PBRM1: variants seen among roughly 807,000 people sequenced by gnomAD.
The protein encoded by PBRM1 is protein polybromo-1.
In PBRM1, 27 loss-of-function variants were observed where a neutral mutation model predicts 194.5. That is an observed-to-expected ratio of 0.14 (90% confidence interval 0.10 to 0.19). PBRM1 has a LOEUF of 0.19. PBRM1 is among the 10% of genes least tolerant of loss of function. PBRM1 has a pLI of 1.00. For synonymous variants in PBRM1, 655 were observed against 693.2 expected (o/e 0.94, Z 0.87); for missense variants, 1,466 against 2,077.2 (o/e 0.71, Z 5.72).
chr3:52,550,461 C>A (rs369794948), exon 29 of PBRM1: 1 of 1,548,130 alleles, frequency 6.5e-7, no homozygotes, highest in Non-Finnish European at 8.7e-7. Context: ...TGTTGGACTC[C>A]GCACTGAGTC....
Position 52,648,472 on chromosome 3 carries a change from C to T in PBRM1, c.715-30G>A, listed in dbSNP as rs750620728. On this transcript the variant is annotated intron_variant, in intron 6 of 29. Transcript: ENST00000296302. ...AATAAACAACAAAATATAGCAGTTC[C>T]TTTTAATGAGAGTTCATCAGTACAA... The T allele has an allele frequency of 7.5e-6, 9 of 1,198,952 alleles. No individual in the cohort carries two copies. The South Asian group carries it at 1.0e-4, about 14-fold the overall frequency. 74.3% of individuals were successfully genotyped at this position (1,198,952 alleles called of 1,614,324 possible). A position where few individuals can be genotyped will look rare whatever the true frequency, so the allele number is the denominator to read the frequency against.
At chr3:52,662,597 G>A (rs2096746374) in intron 3 of PBRM1, among the ~76,000 whole-genome samples, 1 of 152,146 alleles carries the variant, frequency 6.6e-6, no homozygotes, top group Admixed American at 6.5e-5. Flanking sequence ...GGAGGCCAAG[G>A]CAGGTGGATC....
chr3:52,608,588 C>G (rs1275724778), intron 16 of PBRM1, among the ~76,000 whole-genome samples: 3 of 151,486 alleles, frequency 2.0e-5, no homozygotes, highest in Non-Finnish European at 4.4e-5. Flanking sequence ...AGGTCTAGTT[C>G]TAAACATGAT....
intron 2 of PBRM1, among the ~76,000 whole-genome samples, chr3:52,669,538 C>T (rs754937732): frequency 3.4e-4 from 52 of 152,036 alleles, no homozygotes; most frequent in East Asian, 9.6e-4. Context: ...ACTATTTTCT[C>T]AATTCTCCCA....
At chr3:52,678,851 TTCATCACTTTCTTGCTTAAAG>T (rs1468323699) in intron 1 of PBRM1, among the ~76,000 whole-genome samples, 1 of 152,222 alleles carries the variant, frequency 6.6e-6, no homozygotes, top group Non-Finnish European at 1.5e-5. Flanking sequence ...ACTATATCAG[TTCATCACTTTCTTGCTTAAAG>T]TCATCCAATT....
rs750495817 is a variant in PBRM1 at position 52,600,795 on chromosome 3, C to T, written c.2779+2726G>A. ...TTGGGATTACAGGCACGCGCCACCA[C>T]GCCTGGCTAATTTTTGTATTTTTAG... On this transcript the variant is annotated intron_variant, in intron 17 of 29. Coordinates refer to ENST00000296302, the Ensembl canonical transcript of PBRM1. Among the ~76,000 whole-genome samples, 7 of 152,080 alleles carry T rather than the reference C, an allele frequency of 4.6e-5. No individual in the cohort carries two copies. The South Asian group carries it at 6.2e-4, about 13-fold the overall frequency.
intron 26 of PBRM1, among the ~76,000 whole-genome samples, chr3:52,556,182 T>G (rs760970485): frequency 6.6e-6 from 1 of 152,218 alleles, no homozygotes; most frequent in African/African-American, 2.4e-5. Flanking sequence ...GTTTAGTCTT[T>G]TAAGGCTATG....
At chr3:52,593,651 AG>A (rs2093310248) in intron 17 of PBRM1, among the ~76,000 whole-genome samples, 1 of 152,208 alleles carries the variant, frequency 6.6e-6, no homozygotes, top group Admixed American at 6.5e-5. Flanking sequence ...TTCGTTTCAA[AG>A]AACTTCTTGA....
downstream of PBRM1, chr3:52,547,557 A>G (rs1038798519): frequency 5.1e-5 from 12 of 233,484 alleles, no homozygotes; most frequent in Middle Eastern, 1.2e-3. Context: ...ATTCAGGCAC[A>G]TGAAACAAAC....
At chr3:52,599,793 G>A (rs1055637192) in intron 17 of PBRM1, among the ~76,000 whole-genome samples, 1 of 150,962 alleles carries the variant, frequency 6.6e-6, no homozygotes, top group African/African-American at 2.4e-5. Context: ...TCACGCCACT[G>A]CACTCCAGCC....
At chr3:52,563,291 G>T (rs1404713077) in exon 24 of PBRM1, 8 of 1,613,186 alleles carry the variant, frequency 5.0e-6, no homozygotes, top group Non-Finnish European at 6.8e-6. Context: ...ACCTGTGGGG[G>T]TGTGTAGGGC....
At chr3:52,684,796 G>A (rs1219183151) in intron 1 of PBRM1, 2 of 152,170 alleles carry the variant, frequency 1.3e-5, no homozygotes, top group African/African-American at 4.8e-5. Context: ...GCCAAAGAAA[G>A]CGGTCAAGGC....
intron 7 of PBRM1, among the ~76,000 whole-genome samples, chr3:52,646,894 G>GA (rs1465486855): frequency 6.6e-6 from 1 of 151,792 alleles, no homozygotes; most frequent in African/African-American, 2.4e-5. Context: ...AGCAACCAAA[G>GA]AAAAAAATAG....
chr3:52,641,889 G>A (rs2096101532), intron 10 of PBRM1, 65 bp downstream of exon 11: 2 of 980,368 alleles, frequency 2.0e-6, no homozygotes, highest in Non-Finnish European at 1.7e-6. Context: ...AAAAATCACT[G>A]CAATTTCATT....
Position 52,593,773 on chromosome 3 carries a change from T to C in PBRM1, c.2780-4518A>G, listed in dbSNP as rs561710696. On this transcript the variant is annotated intron_variant, in intron 17 of 29. Coordinates refer to ENST00000296302, the Ensembl canonical transcript of PBRM1. The stretch of plus-strand genomic sequence containing the variant: ...TTTGTCTTGATTTCTATTTTTATTG[T>C]GCTGTGGTCTAAGAGAGTGGTTGGT... Among the ~76,000 whole-genome samples, 27 of 152,326 alleles carry C rather than the reference T, an allele frequency of 1.8e-4. 2 individuals carry two copies. Among genetic ancestry groups the C allele is most frequent in the African/African-American group, 6.5e-4 (27 of 41,580 alleles).
chr3:52,668,693 A>G (rs1217570974), intron 2 of PBRM1, 48 bp from the exon 4 acceptor site: 17 of 1,193,320 alleles, frequency 1.4e-5, no homozygotes, highest in Admixed American at 3.0e-5. Context: ...GAAGCTTACA[A>G]AAAGTTTTAT....
At chr3:52,680,765 G>A (rs759194081), upstream of PBRM1, among the ~76,000 whole-genome samples, 1 of 151,970 alleles carries the variant, frequency 6.6e-6, no homozygotes, top group Non-Finnish European at 1.5e-5. Context: ...AGTTTCAAGC[G>A]ATTCTCCTGC....
intron 5 of PBRM1, 112 bp downstream of exon 6, chr3:52,658,087 C>T: frequency 1.5e-6 from 1 of 647,854 alleles, no homozygotes; most frequent in Admixed American, 2.1e-5. Context: ...GCCACCACAC[C>T]CGGCCCAACA....
intron 17 of PBRM1, among the ~76,000 whole-genome samples, chr3:52,596,400 T>TGCACTC (rs2093550382): frequency 1.7e-5 from 2 of 119,882 alleles, no homozygotes. Context: ...ATTGTGCCAC[T>TGCACTC]GCACTCCAGC....
Sources: allele counts gnomAD v4.1 joint callset (sites outside exome capture counted in the v4.1 genomes callset), GRCh38; gene constraint gnomAD v4.1.1; transcripts MANE v1.5; gene names NCBI Gene and HGNC (gene_info 2026-07-23, HGNC 2026-07-21).